INPP5A: variants seen among roughly 807,000 people sequenced by gnomAD.
The protein encoded by INPP5A is inositol polyphosphate-5-phosphatase A.
Under a neutral mutation model 65.2 loss-of-function variants are expected in INPP5A, and 14 were observed. That is an observed-to-expected ratio of 0.21 (90% confidence interval 0.14 to 0.34). The LOEUF is 0.34. INPP5A is among the 10% of genes least tolerant of loss of function. The pLI is 1.00. For missense variants in INPP5A, 431 were observed against 545.6 expected (o/e 0.79, Z 2.09); for synonymous variants, 207 against 208.3 (o/e 0.99, Z 0.05).
Position 132,666,811 on chromosome 10 carries a change from C to T in INPP5A, c.306+16306C>T, listed in dbSNP as rs1418945154. On this transcript the variant is annotated intron_variant, in intron 4 of 15. Coordinates refer to ENST00000368594, the MANE Select transcript of INPP5A (RefSeq NM_005539.5). ...CCAGCGTGTGCTGTGCAGACCTTCT[C>T]GGCAGGCTACCCACCCACCTCATCC... Among the ~76,000 whole-genome samples the T allele has an allele frequency of 2.0e-5, 3 of 152,182 alleles. No homozygotes were observed. The South Asian group carries it at 6.2e-4, about 32-fold the overall frequency.
intron 11 of INPP5A, among the ~76,000 whole-genome samples, chr10:132,756,537 T>C (rs909751268): frequency 3.3e-5 from 5 of 152,194 alleles, no homozygotes; most frequent in African/African-American, 4.8e-5. Flanking sequence ...GTGATGTAAC[T>C]GTTGTGACAT....
At chr10:132,747,580 G>T (rs1330554696) in intron 9 of INPP5A, among the ~76,000 whole-genome samples, 1 of 152,230 alleles carries the variant, frequency 6.6e-6, no homozygotes, top group Non-Finnish European at 1.5e-5. Flanking sequence ...CACCGGCCCA[G>T]GGGTGTCCTC....
chr10:132,679,695 A>G (rs1434786820), intron 4 of INPP5A, among the ~76,000 whole-genome samples: 3 of 152,248 alleles, frequency 2.0e-5, no homozygotes, highest in Admixed American at 1.3e-4. Context: ...CTACAAAATG[A>G]GACAGGAAAA....
intron 9 of INPP5A, among the ~76,000 whole-genome samples, chr10:132,731,100 G>A (rs1028661400): frequency 3.3e-5 from 5 of 152,236 alleles, no homozygotes; most frequent in East Asian, 3.9e-4. Context: ...GGGTCTCCAC[G>A]CTGCCTGGCA....
chr10:132,654,079 C>T (rs1420336478), intron 4 of INPP5A, among the ~76,000 whole-genome samples: 5 of 152,266 alleles, frequency 3.3e-5, no homozygotes, highest in Admixed American at 2.6e-4. Flanking sequence ...GTCTGAGGCC[C>T]CGAGGCTGTT....
Position 132,704,891 on chromosome 10 carries a change from T to C in INPP5A, c.475-3422T>C, listed in dbSNP as rs1845508981. ...GGCAGCAGGCAGCTCCTCTGGAGTG[T>C]GGAGGATGGAGGAAGGGCGTCTGGA... On this transcript the variant is annotated intron_variant, in intron 6 of 15. Coordinates refer to ENST00000368594, the MANE Select transcript of INPP5A (RefSeq NM_005539.5). This position sits in a 1 kb window ranked among gnomAD's most constrained non-coding sequence, Gnocchi z 4.5. Among the ~76,000 whole-genome samples, 1 of 139,592 alleles carries C rather than the reference T, an allele frequency of 7.2e-6. No individual in the cohort carries two copies. Among genetic ancestry groups the C allele is most frequent in the Non-Finnish European group, 1.6e-5 (1 of 64,412 alleles). The allele number at this position is 139,592 out of a possible 152,430, so 91.6% of individuals were successfully genotyped here.
chr10:132,648,361 T>A (rs1283727339), intron 3 of INPP5A, among the ~76,000 whole-genome samples: 1 of 152,286 alleles, frequency 6.6e-6, no homozygotes, highest in African/African-American at 2.4e-5. Flanking sequence ...TCCTCCGCGC[T>A]TTATGCCTAA....
intron 4 of INPP5A, among the ~76,000 whole-genome samples, chr10:132,672,635 T>A (rs1426239295): frequency 6.6e-6 from 1 of 152,224 alleles, no homozygotes; most frequent in Non-Finnish European, 1.5e-5. Flanking sequence ...CTCTTTCTTT[T>A]GTAAATTCCT....
intron 4 of INPP5A, among the ~76,000 whole-genome samples, chr10:132,654,054 A>G (rs1179709773): frequency 6.6e-6 from 1 of 152,272 alleles, no homozygotes; most frequent in Non-Finnish European, 1.5e-5. Context: ...GGCCACCCAG[A>G]GGCAGCCGTG....
chr10:132,546,273 G>A lies in INPP5A; in HGVS notation c.75+8102G>A, dbSNP rs1333158681. ...GTTGGCGCAGAAGTGGTTTCCCAGC[G>A]GCGTGCCCTGAGTGTTGGGAAAAGG... On this transcript the variant is annotated intron_variant, in intron 1 of 15. Coordinates refer to ENST00000368594, the MANE Select transcript of INPP5A (RefSeq NM_005539.5). This position sits in a 1 kb window ranked among gnomAD's most constrained non-coding sequence, Gnocchi z 5.7. 6.6e-6 allele frequency among the ~76,000 whole-genome samples: 1 copy of A among 152,218 alleles called. No homozygotes were observed. The highest frequency in any genetic ancestry group is 2.4e-5 in the African/African-American group (1 of 41,460).
At chr10:132,778,396 C>T (rs913301862) in intron 13 of INPP5A, among the ~76,000 whole-genome samples, 8 of 145,576 alleles carry the variant, frequency 5.5e-5, no homozygotes, top group Non-Finnish European at 1.0e-4. Context: ...TCCTGGGCTC[C>T]AGCATTCCAC....
In INPP5A at chr10:132,780,834, G is replaced by C; in HGVS notation, c.1090-15G>C. On this transcript the variant is annotated splice_polypyrimidine_tract_variant and intron_variant, in intron 13 of 15. Transcript: ENST00000368594. ...CCCACCTCCCCACACTCACCTGTCT[G>C]TTTCCCCTTTCCAGTCGGAGAGCGA... 6.2e-7 allele frequency: 1 copy of C among 1,612,600 alleles called. No homozygotes were observed. Among genetic ancestry groups the C allele is most frequent in the Non-Finnish European group, 8.5e-7 (1 of 1,179,224 alleles).
At chr10:132,759,359 G>A (rs1002343014) in intron 11 of INPP5A, among the ~76,000 whole-genome samples, 1 of 141,146 alleles carries the variant, frequency 7.1e-6, no homozygotes, top group African/African-American at 2.5e-5. Flanking sequence ...TATCCCCTGA[G>A]GCGCCTCATG....
At chr10:132,612,891 G>A (rs2071978655) in intron 2 of INPP5A, among the ~76,000 whole-genome samples, 1 of 152,194 alleles carries the variant, frequency 6.6e-6, no homozygotes, top group Non-Finnish European at 1.5e-5. Context: ...GGGGCCGGCA[G>A]TGGGGATGGG....
chr10:132,629,907 TA>T (rs946995128), intron 2 of INPP5A, among the ~76,000 whole-genome samples: 1 of 151,988 alleles, frequency 6.6e-6, no homozygotes, highest in African/African-American at 2.4e-5. Context: ...AAAGTGTCCA[TA>T]AGGGGAAGGC....
intron 2 of INPP5A, among the ~76,000 whole-genome samples, chr10:132,611,697 G>A (rs540840731): frequency 1.4e-5 from 2 of 139,216 alleles, no homozygotes; most frequent in Non-Finnish European, 1.6e-5. Flanking sequence ...GAGGTGAGGT[G>A]GGCAGGGGAG....
At chr10:132,556,434 T>C (rs2071126924) in intron 1 of INPP5A, among the ~76,000 whole-genome samples, 1 of 152,198 alleles carries the variant, frequency 6.6e-6, no homozygotes, top group Non-Finnish European at 1.5e-5. Context: ...GAAGCTGCTC[T>C]CCAGTGTGCC....
chr10:132,688,886 G>GTT (rs142114005), intron 4 of INPP5A, among the ~76,000 whole-genome samples: 2,251 of 152,002 alleles, frequency 0.015, 31 homozygotes, highest in South Asian at 0.039. Context: ...GTGTATGAGT[G>GTT]CAAGTGGGAG....
chr10:132,688,359 G>A (rs2767424), intron 4 of INPP5A, among the ~76,000 whole-genome samples: 151,145 of 152,362 alleles, frequency 0.99, 74,971 homozygotes, highest in Middle Eastern at 1. Context: ...CCCAGTGACC[G>A]GTCGTCAGGG....
Sources: gnomAD v4.1 joint callset for allele counts (sites outside exome capture counted in the v4.1 genomes callset) on GRCh38, gnomAD v4.1.1 for gene constraint, Gnocchi (gnomAD v3.1) non-coding constraint, MANE v1.5 for transcripts, NCBI Gene and HGNC (gene_info 2026-07-23, HGNC 2026-07-21) for gene names.